The following HCRTR2 variants were observed in gnomAD, a reference collection of about 807,000 sequenced individuals.
The protein encoded by HCRTR2 is orexin receptor type 2.
Under a neutral mutation model 49.0 loss-of-function variants are expected in HCRTR2, and 22 were observed. The observed-to-expected ratio is 0.45, with a 90% CI of 0.32 to 0.64. The LOEUF (loss-of-function observed/expected upper bound fraction) is 0.64. HCRTR2 is among the 30% of genes least tolerant of loss of function. The pLI, the probability that HCRTR2 is intolerant of heterozygous loss-of-function variation, is 0.04. For missense variants in HCRTR2, 491 were observed against 559.4 expected, an observed-to-expected ratio of 0.88 and a Z score of 1.23; for synonymous variants, 236 against 205.3, an observed-to-expected ratio of 1.15 and a Z score of -1.28.
At chr6:55,109,952 T>A (rs1355292627) in intron 1 of HCRTR2, among the ~76,000 whole-genome samples, 2 of 152,034 alleles carry the variant, frequency 1.3e-5, no homozygotes, top group African/African-American at 4.8e-5. Flanking sequence ...AATGAAAGAA[T>A]CTTAAGAGCT....
chr6:55,114,330 C>T (rs1037708587), intron 1 of HCRTR2, among the ~76,000 whole-genome samples: 2 of 151,512 alleles, frequency 1.3e-5, no homozygotes, highest in Non-Finnish European at 3.0e-5. Context: ...GTTCTACACA[C>T]AAAACAACAC....
intron 1 of HCRTR2, among the ~76,000 whole-genome samples, chr6:55,108,952 G>C (rs945083560): frequency 6.6e-6 from 1 of 152,068 alleles, no homozygotes; most frequent in Non-Finnish European, 1.5e-5. Context: ...CTGGCTGCCT[G>C]CATATAAACT....
intron 1 of HCRTR2, among the ~76,000 whole-genome samples, chr6:55,115,920 T>C (rs1764110161): frequency 6.6e-6 from 1 of 151,762 alleles, no homozygotes; most frequent in Non-Finnish European, 1.5e-5. Context: ...CCATGATGTA[T>C]GTGTGTAAAA....
chr6:55,171,986 T>C (rs1581806326), upstream of HCRTR2, among the ~76,000 whole-genome samples: 1 of 152,132 alleles, frequency 6.6e-6, no homozygotes, highest in South Asian at 2.1e-4. Flanking sequence ...AGATGAATAG[T>C]GCATGGAAGA....
At chr6:55,255,008 T>C in intron 2 of HCRTR2, 128 bp from the exon 3 acceptor site, 1 of 901,334 alleles carries the variant, frequency 1.1e-6, no homozygotes, top group South Asian at 1.5e-5. Flanking sequence ...CTTGCATGGA[T>C]TGTTTATTTT....
chr6:55,135,798 C>G (rs1764425992), intron 1 of HCRTR2, among the ~76,000 whole-genome samples: 1 of 152,140 alleles, frequency 6.6e-6, no homozygotes, highest in Non-Finnish European at 1.5e-5. Flanking sequence ...AGCTGGAATT[C>G]AGCCTGATTT....
chr6:55,141,134 A>C (rs1764500630), intron 1 of HCRTR2, among the ~76,000 whole-genome samples: 1 of 150,988 alleles, frequency 6.6e-6, no homozygotes, highest in Non-Finnish European at 1.5e-5. Flanking sequence ...GGAGATCGAG[A>C]CCATCCTGGC....
intron 1 of HCRTR2, among the ~76,000 whole-genome samples, chr6:55,153,973 G>A (rs1764697306): frequency 6.6e-6 from 1 of 151,598 alleles, no homozygotes; most frequent in South Asian, 2.1e-4. Context: ...TTAACAAAAA[G>A]ATCATAAGGT....
At chr6:55,202,519 C>T (rs751609388) in intron 1 of HCRTR2, among the ~76,000 whole-genome samples, 5 of 152,034 alleles carry the variant, frequency 3.3e-5, no homozygotes, top group African/African-American at 1.2e-4. Flanking sequence ...AATTTGTTTC[C>T]AACTGTTTTG....
At chr6:55,256,705 A>T (rs1465437936) in intron 3 of HCRTR2, among the ~76,000 whole-genome samples, 1 of 152,028 alleles carries the variant, frequency 6.6e-6, no homozygotes, top group Non-Finnish European at 1.5e-5. Flanking sequence ...ACAAAAAAAA[A>T]ATCAATGGAA....
intron 1 of HCRTR2, among the ~76,000 whole-genome samples, chr6:55,128,589 T>C (rs1430176124): frequency 6.6e-6 from 1 of 152,228 alleles, no homozygotes; most frequent in Admixed American, 6.5e-5. Context: ...AGGTCATTTC[T>C]GATTTATCTG....
intron 1 of HCRTR2, among the ~76,000 whole-genome samples, chr6:55,169,224 C>T (rs1344302154): frequency 3.3e-5 from 5 of 151,374 alleles, no homozygotes; most frequent in African/African-American, 9.7e-5. Context: ...ATGGAAGCTT[C>T]GTATATATTT....
chr6:55,116,715 GA>G (rs377096234), intron 1 of HCRTR2, among the ~76,000 whole-genome samples: 18 of 88,546 alleles, frequency 2.0e-4, no homozygotes, highest in Middle Eastern at 5.1e-3. Context: ...AAGAGAGAGA[GA>G]AAAAAAAAAA....
chr6:55,170,101 A>G (rs1036374202), upstream of HCRTR2, among the ~76,000 whole-genome samples: 6 of 151,790 alleles, frequency 4.0e-5, no homozygotes, highest in African/African-American at 4.8e-5. Context: ...TTTTTAATAT[A>G]TTCCAGTTAG....
intron 4 of HCRTR2, among the ~76,000 whole-genome samples, chr6:55,273,272 G>T (rs149380364): frequency 6.6e-6 from 1 of 151,930 alleles, no homozygotes; most frequent in Non-Finnish European, 1.5e-5. Context: ...ATAGAAGACC[G>T]CCAGTGCCTA....
chr6:55,116,715 G>GAGAGGAAA (rs55778468), intron 1 of HCRTR2, among the ~76,000 whole-genome samples: 1 of 88,520 alleles, frequency 1.1e-5, no homozygotes, highest in Non-Finnish European at 2.3e-5. Flanking sequence ...AAGAGAGAGA[G>GAGAGGAAA]AAAAAAAAAA....
Position 55,275,896 on chromosome 6 carries a change from T to C in HCRTR2, c.763-1484T>C, listed in dbSNP as rs552409980. 3.9e-5 allele frequency among the ~76,000 whole-genome samples: 6 copies of C among 152,266 alleles called. No individual in the cohort carries two copies. In the South Asian group the frequency reaches 1.2e-3, roughly 32 times the overall value. Reference sequence around the variant, plus strand: ...GGCAGAAGTCATCAGATGCAGAATGTAGATTCTCTCCTTCAGGGGAACAGT... The same window carrying C: ...GGCAGAAGTCATCAGATGCAGAATGCAGATTCTCTCCTTCAGGGGAACAGT... On this transcript the variant is annotated intron_variant, in intron 4 of 6. Coordinates refer to ENST00000370862, the MANE Select transcript of HCRTR2 (RefSeq NM_001384272.1).
Position 55,277,510 on chromosome 6 carries a change from C to G in HCRTR2, c.893C>G (p.Ala298Gly), listed in dbSNP as rs778427199. The part of the protein sequence containing the change: ...AVAAEIKQIR[A>G]RRKTARMLMI... ...GCGGCTGAAATAAAGCAGATCCGAG[C>G]CAGAAGGAAAACAGCCCGGATGTTG... Residue 298 changes from alanine to glycine, a missense_variant, in exon 5 of 7, where the codon GCC (alanine) becomes GGC (glycine). Transcript: ENST00000370862. 1 of 1,613,910 alleles carries G rather than the reference C, an allele frequency of 6.2e-7. No homozygotes were observed. The highest frequency in any genetic ancestry group is 2.2e-5 in the East Asian group (1 of 44,854).
chr6:55,250,205 C>T (rs571690126), intron 2 of HCRTR2, among the ~76,000 whole-genome samples: 3 of 152,158 alleles, frequency 2.0e-5, no homozygotes, highest in African/African-American at 7.2e-5. Flanking sequence ...TGCTGAAAAT[C>T]ATGAATGGAT....
Sources: gnomAD v4.1 joint callset for allele counts (sites outside exome capture counted in the v4.1 genomes callset) on GRCh38, gnomAD v4.1.1 for gene constraint, MANE v1.5 for transcripts, NCBI Gene and HGNC (gene_info 2026-07-23, HGNC 2026-07-21) for gene names.